DENND1B: variants seen among roughly 807,000 people sequenced by gnomAD.
DENND1B encodes DENN domain containing 1B.
Under a neutral mutation model 90.1 loss-of-function variants are expected in DENND1B, and 59 were observed. The observed-to-expected ratio is 0.65, with a 90% CI of 0.53 to 0.81. DENND1B has a LOEUF of 0.81. DENND1B is among the 40% of genes least tolerant of loss of function. The pLI is 0.00. For missense variants in DENND1B, 862 were observed against 912.6 expected (o/e 0.94, Z 0.71); for synonymous variants, 337 against 324.6 (o/e 1.04, Z -0.41).
intron 5 of DENND1B, 53 bp downstream of exon 5, chr1:197,671,984 T>G (rs77996523): frequency 1.3e-6 from 2 of 1,573,070 alleles, no homozygotes; most frequent in Non-Finnish European, 1.7e-6. Context: ...CAAAGTACAA[T>G]AGAGAGATAG....
intron 3 of DENND1B, among the ~76,000 whole-genome samples, chr1:197,707,405 G>C (rs1659658273): frequency 6.6e-6 from 1 of 151,772 alleles, no homozygotes; most frequent in South Asian, 2.1e-4. Flanking sequence ...TTTTCAAATA[G>C]CTAGAAGAGC....
chr1:197,735,285 A>G, intron 2 of DENND1B: 1 of 1,172,114 alleles, frequency 8.5e-7, no homozygotes, highest in Non-Finnish European at 1.1e-6. Context: ...CTGGAGGCAG[A>G]ATGGCTTTAT....
At chr1:197,714,521 T>A (rs1051534529) in intron 3 of DENND1B, among the ~76,000 whole-genome samples, 1 of 152,082 alleles carries the variant, frequency 6.6e-6, no homozygotes, top group African/African-American at 2.4e-5. Flanking sequence ...GCATGCCATA[T>A]TTTTTAAAGA....
chr1:197,770,606 GTA>G (rs1234788530), intron 2 of DENND1B, among the ~76,000 whole-genome samples: 11 of 142,680 alleles, frequency 7.7e-5, no homozygotes, highest in African/African-American at 2.6e-4. Flanking sequence ...GTGTGTGTGT[GTA>G]TATATATCTA....
intron 13 of DENND1B, among the ~76,000 whole-genome samples, chr1:197,598,827 G>C (rs1675941381): frequency 1.3e-5 from 2 of 151,792 alleles, no homozygotes; most frequent in African/African-American, 4.8e-5. Context: ...ATTGTCTTTA[G>C]AGATTTTACA....
intron 13 of DENND1B, among the ~76,000 whole-genome samples, chr1:197,600,907 A>G (rs987001546): frequency 2.0e-5 from 3 of 151,692 alleles, no homozygotes; most frequent in African/African-American, 7.3e-5. Context: ...ATTAAGCTGG[A>G]GAAGAACACT....
At chr1:197,544,650 T>C (rs1381944208) in intron 18 of DENND1B, among the ~76,000 whole-genome samples, 1 of 150,010 alleles carries the variant, frequency 6.7e-6, no homozygotes, top group Non-Finnish European at 1.5e-5. Context: ...TAAAATACAC[T>C]AACATTAACA....
At chr1:197,688,910 A>T (rs1258206464) in intron 3 of DENND1B, 1 of 215,196 alleles carries the variant, frequency 4.6e-6, no homozygotes, top group Non-Finnish European at 9.9e-6. Flanking sequence ...TGAGATGGGA[A>T]AGGGGTCCTT....
intron 2 of DENND1B, among the ~76,000 whole-genome samples, chr1:197,756,513 T>C (rs1181422471): frequency 5.0e-5 from 7 of 140,296 alleles, no homozygotes; most frequent in African/African-American, 1.6e-4. Flanking sequence ...GAGGCAGCAG[T>C]TGCAGTGAGC....
chr1:197,617,873 T>G (rs1458098910), intron 10 of DENND1B, 114 bp from the exon 11 acceptor site: 1 of 713,710 alleles, frequency 1.4e-6, no homozygotes, highest in Non-Finnish European at 2.5e-6. Flanking sequence ...CATAACTACA[T>G]AAATCACATT....
In DENND1B at chr1:197,679,573, T is replaced by G. The variant is rs1417311232; in HGVS notation, c.127-5404A>C. Reference sequence around the variant, plus strand: ...CATGGGGATCCCAAACCAATAGGATTATATATACACACATATATTCCATGT... The same window carrying G: ...CATGGGGATCCCAAACCAATAGGATGATATATACACACATATATTCCATGT... On this transcript the variant is annotated intron_variant, in intron 3 of 22. Coordinates refer to ENST00000620048, the MANE Select transcript of DENND1B (RefSeq NM_001195215.2). 2.6e-5 allele frequency among the ~76,000 whole-genome samples: 4 copies of G among 151,122 alleles called. No homozygotes were observed. The East Asian group carries it at 7.7e-4, about 29-fold the overall frequency.
In DENND1B at chr1:197,595,339, T is replaced by C. The variant is rs1203924995; in HGVS notation, c.922-6A>G. On this transcript the variant is annotated splice_polypyrimidine_tract_variant and splice_region_variant and intron_variant, in intron 13 of 22. Transcript: ENST00000620048. ...TTATTTTTCAAGGCCGAGACCTGCA[T>C]GACAGAGAGGAACAGTTAAATTAAC... The C allele has an allele frequency of 9.3e-6, 15 of 1,611,180 alleles. No individual in the cohort carries two copies. Among genetic ancestry groups the C allele is most frequent in the Middle Eastern group, 3.3e-4 (2 of 6,036 alleles).
intron 20 of DENND1B, among the ~76,000 whole-genome samples, chr1:197,536,138 T>TGAG (rs1558211727): frequency 2.5e-3 from 222 of 88,862 alleles, no homozygotes; most frequent in Non-Finnish European, 4.8e-3. Context: ...GAGAGAGAGA[T>TGAG]TGAGAGAGAG....
intron 6 of DENND1B, among the ~76,000 whole-genome samples, chr1:197,652,625 C>A (rs1260862894): frequency 6.6e-6 from 1 of 151,798 alleles, no homozygotes; most frequent in African/African-American, 2.4e-5. Flanking sequence ...TCATTAAATC[C>A]AATAAGAACT....
chr1:197,586,341 T>C, intron 14 of DENND1B, among the ~76,000 whole-genome samples: 1 of 152,364 alleles, frequency 6.6e-6, no homozygotes, highest in South Asian at 2.1e-4. Flanking sequence ...AAAAATGTTT[T>C]ATATTCATAT....
intron 20 of DENND1B, among the ~76,000 whole-genome samples, chr1:197,536,099 G>T (rs1669859102): frequency 6.8e-6 from 1 of 148,134 alleles, no homozygotes; most frequent in Non-Finnish European, 1.5e-5. Flanking sequence ...AGGAAAAGAG[G>T]GAGAGAGACG....
At chr1:197,638,698 C>T (rs532249538) in intron 10 of DENND1B, among the ~76,000 whole-genome samples, 2 of 152,268 alleles carry the variant, frequency 1.3e-5, no homozygotes, top group African/African-American at 2.4e-5. Context: ...GCTTTGAATA[C>T]ACGAGAATCT....
At chr1:197,772,055 G>A (rs539817779) in intron 2 of DENND1B, among the ~76,000 whole-genome samples, 1 of 152,064 alleles carries the variant, frequency 6.6e-6, no homozygotes, top group Non-Finnish European at 1.5e-5. Context: ...TCACACTATC[G>A]TTTACCTCCC....
chr1:197,606,061 TTTG>T (rs910485967), intron 13 of DENND1B: 1 of 151,142 alleles, frequency 6.6e-6, no homozygotes, highest in African/African-American at 2.4e-5. Context: ...GAATAAATGC[TTTG>T]TTTTTTTAAA....
Sources: gnomAD v4.1 joint callset for allele counts (sites outside exome capture counted in the v4.1 genomes callset) on GRCh38, gnomAD v4.1.1 for gene constraint, MANE v1.5 for transcripts, NCBI Gene and HGNC (gene_info 2026-07-23, HGNC 2026-07-21) for gene names.